The following COLEC10 variants were observed in gnomAD, a reference collection of about 807,000 sequenced individuals.
COLEC10 encodes the protein collectin-10.
In COLEC10, 22 loss-of-function variants were observed where a neutral mutation model predicts 28.4. The ratio of observed to expected loss-of-function variants is 0.78; its 90% CI spans 0.55 to 1.11. The LOEUF is 1.11. Ranked by LOEUF, COLEC10 falls within the 50% of genes least tolerant of loss-of-function variation. The pLI, the probability that COLEC10 is intolerant of heterozygous loss-of-function variation, is 0.00. For missense variants in COLEC10, 361 were observed against 344.1 expected (o/e 1.05, Z -0.39); for synonymous variants, 125 against 116.1 (o/e 1.08, Z -0.49).
At chr8:118,971,454 A>G in the COLEC10 span, among the ~76,000 whole-genome samples, 1 of 152,000 alleles carries the variant, frequency 6.6e-6, no homozygotes, top group Non-Finnish European at 1.5e-5. Flanking sequence ...TGTAAACAAT[A>G]GCTTATTAAA....
At chr8:119,083,639 C>T (rs1301927887) in intron 1 of COLEC10, among the ~76,000 whole-genome samples, 1 of 152,136 alleles carries the variant, frequency 6.6e-6, no homozygotes, top group African/African-American at 2.4e-5. Flanking sequence ...TAGGTAACTC[C>T]ATGAGAAAAG....
chr8:119,106,484 C>G lies in COLEC10; in HGVS notation c.*293C>G, dbSNP rs1408856502. On this transcript the variant is annotated 3_prime_UTR_variant, in exon 6 of 6. Transcript: ENST00000332843. ...GTCTATATGTCAAATGAGTTGTTCT[C>G]TTGGTATTTGCTCTACCATCTCTCC... is the stretch of plus-strand genomic sequence containing the variant. 1 of 290,504 alleles carries G rather than the reference C, an allele frequency of 3.4e-6. No individual in the cohort carries two copies. Among genetic ancestry groups the G allele is most frequent in the African/African-American group, 2.1e-5 (1 of 47,096 alleles). The allele number at this position is 290,504 out of a possible 1,614,324, so 18.0% of individuals were successfully genotyped here.
intron 1 of COLEC10, among the ~76,000 whole-genome samples, chr8:118,997,327 C>G (rs2130052391): frequency 6.6e-6 from 1 of 152,246 alleles, no homozygotes; most frequent in East Asian, 1.9e-4. Flanking sequence ...TTCCACTTGT[C>G]TATTCTTGCT....
the COLEC10 span, among the ~76,000 whole-genome samples, chr8:118,987,635 A>G: frequency 1.3e-5 from 2 of 152,186 alleles, no homozygotes; most frequent in East Asian, 3.9e-4. Flanking sequence ...CATTTAAACA[A>G]TATCTTCAAA....
Position 119,069,632 on chromosome 8 carries a change from ATATATATATAT to A in COLEC10, c.148+2204_148+2214del, listed in dbSNP as rs1815059889. On this transcript the variant is annotated intron_variant, in intron 1 of 5. Transcript: ENST00000332843. ...AAAAAAAAAAAAAAAAAAAAAAAAT[ATATATATATAT>A]ATATATATATATATATATGTAAACT... is the stretch of plus-strand genomic sequence containing the variant. Among the ~76,000 whole-genome samples the A allele has an allele frequency of 1.6e-3, 80 of 50,690 alleles. 1 individual carries two copies. The highest frequency in any genetic ancestry group is 7.1e-3 in the African/African-American group (71 of 9,952). The allele number at this position is 50,690 out of a possible 152,430, so 33.3% of individuals were successfully genotyped here. A position where few individuals can be genotyped will look rare whatever the true frequency, so the allele number is the denominator to read the frequency against.
chr8:119,041,742 C>G (rs554604930), intron 2 of COLEC10, among the ~76,000 whole-genome samples: 109 of 152,306 alleles, frequency 7.2e-4, no homozygotes, highest in African/African-American at 2.6e-3. Context: ...AAAATACCCT[C>G]TGCTTTGATT....
chr8:119,046,695 G>A (rs1303040660), intron 2 of COLEC10, among the ~76,000 whole-genome samples: 1 of 151,364 alleles, frequency 6.6e-6, no homozygotes, highest in East Asian at 1.9e-4. Flanking sequence ...TCTTCCAAAT[G>A]TGAAAAAAAT....
chr8:119,018,821 A>G (rs1814038178), intron 2 of COLEC10, among the ~76,000 whole-genome samples: 1 of 152,178 alleles, frequency 6.6e-6, no homozygotes, highest in African/African-American at 2.4e-5. Flanking sequence ...CTGATTCCAT[A>G]GGTAGTAAAT....
chr8:119,010,497 T>C (rs1813884765), intron 2 of COLEC10, among the ~76,000 whole-genome samples: 1 of 150,974 alleles, frequency 6.6e-6, no homozygotes, highest in African/African-American at 2.5e-5. Context: ...TGTATAGATA[T>C]ACAAACTCTA....
chr8:118,982,332 A>G, the COLEC10 span, among the ~76,000 whole-genome samples: 273 of 152,260 alleles, frequency 1.8e-3, 2 homozygotes, highest in African/African-American at 6.2e-3. Context: ...ACAAAAAGAA[A>G]AACTCAAAAT....
At chr8:119,007,478 C>T (rs1446406316) in intron 1 of COLEC10, among the ~76,000 whole-genome samples, 1 of 146,326 alleles carries the variant, frequency 6.8e-6, no homozygotes, top group African/African-American at 2.8e-5. Context: ...GGGATTTACC[C>T]ATTTTGGTTG....
At chr8:119,005,423 C>A (rs75752562) in intron 1 of COLEC10, among the ~76,000 whole-genome samples, 1,809 of 152,214 alleles carry the variant, frequency 0.012, 35 homozygotes, top group African/African-American at 0.041. Flanking sequence ...CCCAGGGCTT[C>A]TCTGTCATCA....
intron 3 of COLEC10, among the ~76,000 whole-genome samples, chr8:119,094,229 T>G (rs543322571): frequency 6.6e-6 from 1 of 152,240 alleles, no homozygotes; most frequent in South Asian, 2.1e-4. Context: ...GTTTGAAATA[T>G]ACAGGGCCAG....
intron 2 of COLEC10, among the ~76,000 whole-genome samples, chr8:119,038,765 T>G (rs958059552): frequency 6.6e-6 from 1 of 152,168 alleles, no homozygotes; most frequent in African/African-American, 2.4e-5. Flanking sequence ...CAAGTGAACC[T>G]GTTTTCAGTG....
At chr8:119,019,006 C>T (rs532257123) in intron 2 of COLEC10, among the ~76,000 whole-genome samples, 1 of 152,102 alleles carries the variant, frequency 6.6e-6, no homozygotes, top group Admixed American at 6.6e-5. Flanking sequence ...TTTGAAAAAG[C>T]TATAAAATTC....
At chr8:118,998,973 C>T (rs1275324704) in intron 1 of COLEC10, among the ~76,000 whole-genome samples, 3 of 151,716 alleles carry the variant, frequency 2.0e-5, no homozygotes, top group Non-Finnish European at 4.4e-5. Context: ...GCCCCCTATT[C>T]TCCAGGCACT....
At chr8:119,091,124 A>C in intron 2 of COLEC10, 25 bp from the exon 3 acceptor site, 1 of 1,593,204 alleles carries the variant, frequency 6.3e-7, no homozygotes, top group Middle Eastern at 1.7e-4. Context: ...CCTTATGATA[A>C]AAAGATAACA....
chr8:118,997,067 A>C (rs1813602195), intron 1 of COLEC10, among the ~76,000 whole-genome samples: 1 of 152,224 alleles, frequency 6.6e-6, no homozygotes, highest in South Asian at 2.1e-4. Context: ...AAGAAGACAC[A>C]CATCCAAACC....
At chr8:119,023,078 C>G (rs978315473) in intron 2 of COLEC10, among the ~76,000 whole-genome samples, 2 of 152,078 alleles carry the variant, frequency 1.3e-5, no homozygotes, top group African/African-American at 4.8e-5. Flanking sequence ...TTGCTTCAAG[C>G]CTTTGCTTAA....
Sources: allele counts gnomAD v4.1 joint callset (sites outside exome capture counted in the v4.1 genomes callset), GRCh38; gene constraint gnomAD v4.1.1; transcripts MANE v1.5; gene names NCBI Gene and HGNC (gene_info 2026-07-23, HGNC 2026-07-21).